RARB: variants seen among roughly 807,000 people sequenced by gnomAD.
RARB encodes the protein HBV-activated protein.
In RARB, 17 loss-of-function variants were observed where a neutral mutation model predicts 51.9. That is an observed-to-expected ratio of 0.33 (90% CI 0.22 to 0.49). The LOEUF is 0.49. RARB is among the 20% of genes least tolerant of loss of function. The pLI, the probability that RARB is intolerant of heterozygous loss-of-function variation, is 0.99. For synonymous variants in RARB, 215 were observed against 195.4 expected, an observed-to-expected ratio of 1.10 and a Z score of -0.84; for missense variants, 369 against 550.8, an observed-to-expected ratio of 0.67 and a Z score of 3.30.
At position 25,396,350 on chromosome 3, in the gene RARB, G is replaced by A. The variant is rs542205294; in HGVS notation, c.179-64843G>A. On this transcript the variant is annotated intron_variant, in intron 5 of 11. Coordinates refer to the RARB transcript ENST00000383772. The stretch of plus-strand genomic sequence containing the variant: ...TTCTTGAATGCTGGTTGTACTAGCC[G>A]TGGAGTTGTCATGTGGACAGACTCA... 2.3e-3 allele frequency among the ~76,000 whole-genome samples: 348 copies of A among 152,340 alleles called. 1 individual carries two copies. Among genetic ancestry groups the A allele is most frequent in the Middle Eastern group, 6.8e-3 (2 of 294 alleles).
chr3:24,972,089 T>C (rs938047728), intron 2 of RARB, among the ~76,000 whole-genome samples: 3 of 152,036 alleles, frequency 2.0e-5, no homozygotes, highest in Middle Eastern at 6.8e-3. Flanking sequence ...ACACCAGGTG[T>C]CCTTTCTTCT....
intron 3 of RARB, among the ~76,000 whole-genome samples, chr3:25,106,009 C>T (rs1057170173): frequency 1.3e-5 from 2 of 152,146 alleles, no homozygotes. Context: ...ATCATTTAGA[C>T]TGCAGTAGCT....
chr3:25,245,058 A>G (rs182093684), intron 5 of RARB, among the ~76,000 whole-genome samples: 1 of 152,278 alleles, frequency 6.6e-6, no homozygotes, highest in East Asian at 1.9e-4. Flanking sequence ...AGCATTGTGT[A>G]ATGCCTTTCT....
chr3:25,363,397 A>G (rs968612783), intron 5 of RARB, among the ~76,000 whole-genome samples: 6 of 152,162 alleles, frequency 3.9e-5, no homozygotes, highest in Non-Finnish European at 8.8e-5. Context: ...CTAACGTAGC[A>G]TGTCCAGAAC....
At chr3:25,072,729 G>C (rs563419287) in intron 3 of RARB, among the ~76,000 whole-genome samples, 1 of 151,020 alleles carries the variant, frequency 6.6e-6, no homozygotes, top group South Asian at 2.1e-4. Flanking sequence ...TTTTTTTTGA[G>C]ATAGAGTCTC....
At chr3:25,437,809 A>G (rs1708497181) in intron 1 of RARB, among the ~76,000 whole-genome samples, 1 of 152,192 alleles carries the variant, frequency 6.6e-6, no homozygotes, top group South Asian at 2.1e-4. Flanking sequence ...CACCTTCCAA[A>G]CTAGCTTCTT....
chr3:25,596,825 C>T lies in RARB; in HGVS notation c.*209C>T, dbSNP rs1257075108. On this transcript the variant is annotated 3_prime_UTR_variant, in exon 8 of 8. Coordinates refer to ENST00000330688, the MANE Select transcript of RARB (RefSeq NM_000965.5). The stretch of plus-strand genomic sequence containing the variant: ...ACAAACTTTTCCAATTTTAAAAAAT[C>T]AGCCATTTCATGCAACCAGAAACTA... 2 of 409,380 alleles carry T rather than the reference C, an allele frequency of 4.9e-6. No individual in the cohort carries two copies. The highest frequency in any genetic ancestry group is 2.0e-5 in the African/African-American group (1 of 49,380). The allele number at this position is 409,380 out of a possible 1,614,324, so 25.4% of individuals were successfully genotyped here. A position where few individuals can be genotyped will look rare whatever the true frequency, so the allele number is the denominator to read the frequency against.
intron 2 of RARB, among the ~76,000 whole-genome samples, chr3:24,918,109 A>G (rs1232232600): frequency 6.6e-6 from 1 of 152,244 alleles, no homozygotes; most frequent in African/African-American, 2.4e-5. Flanking sequence ...AATGTTCAGA[A>G]TAACATTGTT....
intron 2 of RARB, among the ~76,000 whole-genome samples, chr3:25,031,524 G>A (rs987133843): frequency 1.3e-5 from 2 of 152,144 alleles, no homozygotes; most frequent in Non-Finnish European, 2.9e-5. Context: ...TGGGTGGGTG[G>A]TGGGTAGGAA....
At chr3:24,848,795 G>A (rs1702517439) in intron 1 of RARB, among the ~76,000 whole-genome samples, 1 of 152,204 alleles carries the variant, frequency 6.6e-6, no homozygotes, top group African/African-American at 2.4e-5. Flanking sequence ...GTTACTTAAA[G>A]GAAAATTCAG....
chr3:24,972,169 C>T (rs1004553023), intron 2 of RARB, among the ~76,000 whole-genome samples: 11 of 152,010 alleles, frequency 7.2e-5, no homozygotes, highest in African/African-American at 1.4e-4. Flanking sequence ...TCTGGCCTCT[C>T]GTCACCACCA....
At chr3:25,218,642 C>A (rs1285373684) in intron 5 of RARB, among the ~76,000 whole-genome samples, 1 of 152,188 alleles carries the variant, frequency 6.6e-6, no homozygotes, top group Non-Finnish European at 1.5e-5. Context: ...GCAAGAGAAG[C>A]AGGAAGTCAT....
chr3:25,125,587 A>T (rs1194112184), intron 3 of RARB, among the ~76,000 whole-genome samples: 1 of 152,188 alleles, frequency 6.6e-6, no homozygotes, highest in Non-Finnish European at 1.5e-5. Context: ...TCAGATATTT[A>T]AAAACAAGGG....
chr3:25,176,354 C>A (rs200337611), intron 5 of RARB, among the ~76,000 whole-genome samples: 1 of 55,612 alleles, frequency 1.8e-5, no homozygotes, highest in Non-Finnish European at 3.6e-5. Flanking sequence ...TCCTTCCTTC[C>A]TTCCTTCCTT....
intron 3 of RARB, among the ~76,000 whole-genome samples, chr3:25,090,864 T>C (rs975488813): frequency 6.6e-6 from 1 of 152,128 alleles, no homozygotes; most frequent in African/African-American, 2.4e-5. Flanking sequence ...CCATTTTTCA[T>C]GTGGGGGAAA....
At chr3:25,104,899 T>TG (rs1242261634) in intron 3 of RARB, among the ~76,000 whole-genome samples, 2 of 152,150 alleles carry the variant, frequency 1.3e-5, no homozygotes, top group Non-Finnish European at 2.9e-5. Flanking sequence ...TGCTAGAAGT[T>TG]GGGGGAGTGG....
intron 4 of RARB, among the ~76,000 whole-genome samples, chr3:25,171,862 A>G (rs2125351989): frequency 6.6e-6 from 1 of 151,524 alleles, no homozygotes; most frequent in East Asian, 1.9e-4. Context: ...TTAATTTGCT[A>G]CAAACTACAA....
At chr3:25,542,077 G>A (rs929632741) in intron 3 of RARB, among the ~76,000 whole-genome samples, 9 of 152,224 alleles carry the variant, frequency 5.9e-5, no homozygotes, top group African/African-American at 1.9e-4. Flanking sequence ...GCAAAGAAGA[G>A]GTTTCACTTT....
Position 24,958,571 on chromosome 3 carries a change from C to A in RARB, c.-380+99819C>A, listed in dbSNP as rs150160719. ...TTCACTGTTTAGGAATTTATCTGTG[C>A]TTTCTTTCAGACTGACTGTAGTCAG... On this transcript the variant is annotated intron_variant, in intron 2 of 11. Coordinates refer to the RARB transcript ENST00000383772. Among the ~76,000 whole-genome samples, 358 of 152,190 alleles carry A rather than the reference C, an allele frequency of 2.4e-3. 1 individual carries two copies. The highest frequency in any genetic ancestry group is 8.5e-3 in the African/African-American group (351 of 41,536).
Sources: gnomAD v4.1 joint callset for allele counts (sites outside exome capture counted in the v4.1 genomes callset) on GRCh38, gnomAD v4.1.1 for gene constraint, MANE v1.5 for transcripts, NCBI Gene and HGNC (gene_info 2026-07-23, HGNC 2026-07-21) for gene names.